Variants in CLIP1 observed in about 807,000 individuals in gnomAD.
CLIP1 encodes CAP-Gly domain containing linker protein 1.
Under a neutral mutation model 161.6 loss-of-function variants are expected in CLIP1, and 66 were observed. The ratio of observed to expected loss-of-function variants is 0.41; its 90% confidence interval spans 0.33 to 0.50. The LOEUF is 0.50. Ranked by LOEUF, CLIP1 falls within the 20% of genes least tolerant of loss-of-function variation. The probability of loss-of-function intolerance (pLI) is 0.27; values close to 1 mark genes in which losing one functional copy is unlikely to be tolerated. For synonymous variants in CLIP1, 598 were observed against 626.2 expected (o/e 0.96, Z 0.67); for missense variants, 1,376 against 1,702.0 (o/e 0.81, Z 3.37).
intron 14 of CLIP1, among the ~76,000 whole-genome samples, chr12:122,333,805 G>A (rs1050101075): frequency 1.3e-5 from 2 of 152,218 alleles, no homozygotes; most frequent in East Asian, 1.9e-4. Context: ...AGCAGTGGGA[G>A]TGGTGAGATG....
chr12:122,368,273 A>ACAGACAAGAAGATT (rs1441505123), intron 3 of CLIP1, among the ~76,000 whole-genome samples: 1 of 152,220 alleles, frequency 6.6e-6, no homozygotes, highest in South Asian at 2.1e-4. Flanking sequence ...ATTGAGGGAG[A>ACAGACAAGAAGATT]CAGACAAGAA....
Position 122,351,105 on chromosome 12 carries a change from T to G in CLIP1, c.1401+6A>C. The G allele has an allele frequency of 1.3e-6, 2 of 1,537,520 alleles. No homozygotes were observed. The highest frequency in any genetic ancestry group is 8.7e-7 in the Non-Finnish European group (1 of 1,147,644). The stretch of plus-strand genomic sequence containing the variant: ...GAAATATCCACACAGTTAAGTGCCC[T>G]CTTACATTCTCAGGATCTTCAGAAA... On this transcript the variant is annotated splice_donor_region_variant and intron_variant, in intron 9 of 25. Coordinates refer to ENST00000620786, the MANE Select transcript of CLIP1 (RefSeq NM_001247997.2).
At chr12:122,353,631 G>A (rs1303124365) in intron 7 of CLIP1, among the ~76,000 whole-genome samples, 1 of 149,230 alleles carries the variant, frequency 6.7e-6, no homozygotes, top group Non-Finnish European at 1.5e-5. Flanking sequence ...AATAAATAAT[G>A]TTTTCTTTTT....
intron 21 of CLIP1, among the ~76,000 whole-genome samples, chr12:122,283,931 T>C (rs189480961): frequency 6.6e-6 from 1 of 152,308 alleles, no homozygotes; most frequent in East Asian, 1.9e-4. Context: ...ACATTTCAAA[T>C]ACTCACAATG....
rs60679618 is a variant in CLIP1, at chr12:122,383,843, C to CA, written c.-106-3286dup. Reference sequence around the variant, plus strand: ...AATCAATTCCAAAAAATGTGCAAAACAAAAAAAAAAAGACATTGTTGCCTC... The same window carrying CA: ...AATCAATTCCAAAAAATGTGCAAAACAAAAAAAAAAAAGACATTGTTGCCTC... On this transcript the variant is annotated intron_variant, in intron 1 of 25. Transcript: ENST00000620786. 5.4e-3 allele frequency among the ~76,000 whole-genome samples: 746 copies of CA among 138,294 alleles called. 3 individuals carry two copies. The highest frequency in any genetic ancestry group is 6.6e-3 in the Non-Finnish European group (413 of 62,762). The allele number at this position is 138,294 out of a possible 152,430, so 90.7% of individuals were successfully genotyped here.
Position 122,357,237 on chromosome 12 carries a change from C to A in CLIP1, c.1006-1925G>T, listed in dbSNP as rs975858480. On this transcript the variant is annotated intron_variant, in intron 5 of 25. Coordinates refer to ENST00000620786, the MANE Select transcript of CLIP1 (RefSeq NM_001247997.2). ...CCCATCGTCTGAGATGTGGGGAGCG[C>A]CTCTGCCCCGCTGCCCCATCTGGGA... Among the ~76,000 whole-genome samples, 5 of 150,094 alleles carry A rather than the reference C, an allele frequency of 3.3e-5. No homozygotes were observed. In the South Asian group the frequency reaches 8.5e-4, roughly 25 times the overall value.
chr12:122,303,857 CT>C (rs1950775380), intron 20 of CLIP1, among the ~76,000 whole-genome samples: 1 of 152,152 alleles, frequency 6.6e-6, no homozygotes, highest in Non-Finnish European at 1.5e-5. Flanking sequence ...TGTCCTCCCC[CT>C]GATTCCATCC....
intron 1 of CLIP1, among the ~76,000 whole-genome samples, chr12:122,384,273 A>G (rs1955138166): frequency 6.6e-6 from 1 of 152,210 alleles, no homozygotes; most frequent in South Asian, 2.1e-4. Context: ...CATCAAGATG[A>G]AAAACATCAG....
At chr12:122,330,032 A>T (rs1029298601) in intron 15 of CLIP1, among the ~76,000 whole-genome samples, 3 of 152,042 alleles carry the variant, frequency 2.0e-5, no homozygotes, top group African/African-American at 4.8e-5. Flanking sequence ...CAGGAGAATC[A>T]CTTGAACCCA....
intron 20 of CLIP1, among the ~76,000 whole-genome samples, chr12:122,293,814 T>TG (rs1950357355): frequency 2.1e-5 from 1 of 47,838 alleles, no homozygotes; most frequent in South Asian, 7.9e-4. Context: ...TTGTTTTTTG[T>TG]TTTTTTTTGA....
intron 20 of CLIP1, among the ~76,000 whole-genome samples, chr12:122,291,676 T>C (rs1002903070): frequency 1.3e-5 from 2 of 152,240 alleles, no homozygotes; most frequent in African/African-American, 2.4e-5. Flanking sequence ...TATCAGGAGG[T>C]ACACACTGTT....
At chr12:122,369,621 G>T (rs1426434221) in intron 3 of CLIP1, among the ~76,000 whole-genome samples, 1 of 151,708 alleles carries the variant, frequency 6.6e-6, no homozygotes, top group African/African-American at 2.4e-5. Context: ...TGGGCAGGGA[G>T]AAATGGACAA....
At chr12:122,402,388 G>A (rs1008715667) in intron 1 of CLIP1, among the ~76,000 whole-genome samples, 13 of 152,124 alleles carry the variant, frequency 8.5e-5, no homozygotes, top group African/African-American at 3.1e-4. Flanking sequence ...TCCAGAGGCA[G>A]AGATGGGACG....
At chr12:122,289,417 T>C (rs1592983840) in intron 20 of CLIP1, among the ~76,000 whole-genome samples, 1 of 146,906 alleles carries the variant, frequency 6.8e-6, no homozygotes, top group African/African-American at 2.5e-5. Flanking sequence ...AGACTCCATC[T>C]AAAAAAAAAA....
At chr12:122,407,748 C>CAA (rs35500806) in intron 1 of CLIP1, among the ~76,000 whole-genome samples, 1,795 of 38,194 alleles carry the variant, frequency 0.047, 397 homozygotes, top group African/African-American at 0.14. Flanking sequence ...GACCCTGTCT[C>CAA]AAAAAAAAAA....
chr12:122,322,185 G>T (rs58543458), intron 17 of CLIP1: 1 of 152,554 alleles, frequency 6.6e-6, no homozygotes, highest in African/African-American at 2.4e-5. Context: ...CTCAAAGTAC[G>T]GTTTTCATTT....
intron 1 of CLIP1, chr12:122,399,505 A>G (rs565517708): frequency 6.6e-6 from 1 of 152,216 alleles, no homozygotes; most frequent in Non-Finnish European, 1.5e-5. Context: ...TGCCCCAAGA[A>G]AATCACATCT....
At chr12:122,287,016 CA>C (rs1955885614) in intron 21 of CLIP1, among the ~76,000 whole-genome samples, 1 of 151,348 alleles carries the variant, frequency 6.6e-6, no homozygotes, top group Admixed American at 6.6e-5. Context: ...AACAAACAAA[CA>C]AAAAATTAGC....
At chr12:122,367,169 C>T (rs999954183) in intron 3 of CLIP1, among the ~76,000 whole-genome samples, 1 of 152,172 alleles carries the variant, frequency 6.6e-6, no homozygotes, top group Non-Finnish European at 1.5e-5. Context: ...CAACAATTCT[C>T]CAAGCAAACT....
Sources: allele counts gnomAD v4.1 joint callset (sites outside exome capture counted in the v4.1 genomes callset), GRCh38; gene constraint gnomAD v4.1.1; transcripts MANE v1.5; gene names NCBI Gene and HGNC (gene_info 2026-07-23, HGNC 2026-07-21).